The following DIP2C variants were observed in gnomAD, a reference collection of about 807,000 sequenced individuals.
DIP2C encodes the protein DIP2 acetate--CoA ligase C (putative).
DIP2C carries 33 observed loss-of-function variants against 192.4 expected under a neutral mutation model. The ratio of observed to expected loss-of-function variants is 0.17; its 90% CI spans 0.13 to 0.23. The LOEUF is 0.23. Among genes scored for constraint, DIP2C ranks in the 10% least tolerant of loss-of-function variants. The pLI is 1.00. For missense variants in DIP2C, 1,537 were observed against 2,110.1 expected (o/e 0.73, Z 5.32); for synonymous variants, 979 against 864.1 (o/e 1.13, Z -2.33).
At chr10:486,257 C>T (rs1844007560) in intron 2 of DIP2C, among the ~76,000 whole-genome samples, 1 of 152,238 alleles carries the variant, frequency 6.6e-6, no homozygotes, top group East Asian at 1.9e-4. Flanking sequence ...CTATTAGGCA[C>T]ACTTATAGAA....
chr10:372,090 T>C (rs1298755193), intron 17 of DIP2C, among the ~76,000 whole-genome samples: 1 of 136,770 alleles, frequency 7.3e-6, no homozygotes, highest in Non-Finnish European at 1.6e-5. Context: ...TTTTTTTTTT[T>C]TTTGAGACAC....
intron 1 of DIP2C, among the ~76,000 whole-genome samples, chr10:488,281 A>G (rs913324843): frequency 6.6e-6 from 1 of 152,170 alleles, no homozygotes; most frequent in Non-Finnish European, 1.5e-5. Context: ...ACTTCTGGAG[A>G]CACGCTCTGT....
chr10:362,806 T>A, intron 21 of DIP2C, 115 bp from the exon 22 acceptor site: 1 of 1,165,910 alleles, frequency 8.6e-7, no homozygotes, highest in Non-Finnish European at 1.2e-6. Context: ...ATAAGCACTG[T>A]TCCCAGCATA....
At chr10:486,619 G>A (rs1844037698) in intron 1 of DIP2C, 89 bp from the exon 2 acceptor site, 2 of 1,095,958 alleles carry the variant, frequency 1.8e-6, no homozygotes, top group South Asian at 1.9e-5. Flanking sequence ...AGTTATCACA[G>A]TATCTTCTGT....
intron 1 of DIP2C, among the ~76,000 whole-genome samples, chr10:595,613 A>T (rs1202184002): frequency 2.0e-5 from 3 of 152,150 alleles, no homozygotes; most frequent in Non-Finnish European, 4.4e-5. Flanking sequence ...CAAACTTTTA[A>T]AAAGCTCCAG....
At chr10:647,394 A>C (rs563111323) in intron 1 of DIP2C, among the ~76,000 whole-genome samples, 20 of 152,142 alleles carry the variant, frequency 1.3e-4, no homozygotes, top group Admixed American at 1.1e-3. Context: ...GTCCACGTCC[A>C]CATTGGATGG....
At position 486,487 on chromosome 10, in the gene DIP2C, T is replaced by C. The variant is rs1170853194; in HGVS notation, c.129A>G (p.Leu43=). ...GAGGCTGCGGAAGGTAGGCTCCAAT[T>C]AACTTTGACCTCTTCTTTTCATATC... ...QKGYEKKRSK[L]IGAYLPQPPR... is the part of the protein sequence containing the mutation. Residue 43 remains leucine, a synonymous_variant, in exon 2 of 37, where the codon TTA becomes TTG. Transcript: ENST00000280886. 13 of 1,605,540 alleles carry C rather than the reference T, an allele frequency of 8.1e-6. No individual in the cohort carries two copies. Among genetic ancestry groups the C allele is most frequent in the Non-Finnish European group, 1.1e-5 (13 of 1,176,182 alleles).
chr10:535,971 T>A (rs1273538526), intron 1 of DIP2C, among the ~76,000 whole-genome samples: 1 of 152,248 alleles, frequency 6.6e-6, no homozygotes, highest in African/African-American at 2.4e-5. Flanking sequence ...GAGGCACACT[T>A]CGGGTGCAAA....
intron 2 of DIP2C, among the ~76,000 whole-genome samples, chr10:480,071 T>C (rs1843481129): frequency 6.9e-6 from 1 of 144,700 alleles, no homozygotes; most frequent in Non-Finnish European, 1.5e-5. Context: ...ACTGGATGAG[T>C]GTCATCCGCC....
At chr10:401,310 G>C (rs139050230) in intron 9 of DIP2C, among the ~76,000 whole-genome samples, 105 of 150,808 alleles carry the variant, frequency 7.0e-4, no homozygotes, top group Middle Eastern at 3.5e-3. Flanking sequence ...GACAAGTTTG[G>C]TATGTGTTCA....
intron 24 of DIP2C, 147 bp from the exon 25 acceptor site, chr10:349,601 G>T: frequency 3.6e-6 from 4 of 1,097,602 alleles, no homozygotes; most frequent in Non-Finnish European, 4.9e-6. Context: ...CAACATGACA[G>T]TCAATTTTAG....
chr10:475,001 C>CT (rs1970948572), intron 2 of DIP2C, among the ~76,000 whole-genome samples: 1 of 152,198 alleles, frequency 6.6e-6, no homozygotes, highest in Non-Finnish European at 1.5e-5. Flanking sequence ...CACCAAATCT[C>CT]TCCCCAAGGA....
intron 4 of DIP2C, among the ~76,000 whole-genome samples, chr10:427,937 A>G (rs1418708964): frequency 6.6e-6 from 1 of 152,154 alleles, no homozygotes; most frequent in Non-Finnish European, 1.5e-5. Flanking sequence ...AATTATACGT[A>G]TACACAAAGA....
At chr10:366,472 A>T in intron 18 of DIP2C, 61 bp from the exon 19 acceptor site, 2 of 1,607,836 alleles carry the variant, frequency 1.2e-6, no homozygotes, top group Non-Finnish European at 1.7e-6. Flanking sequence ...GAATAAAGGA[A>T]ACAGGGAAGA....
intron 3 of DIP2C, among the ~76,000 whole-genome samples, chr10:446,417 C>CT (rs1485001873): frequency 1.3e-5 from 2 of 152,232 alleles, no homozygotes; most frequent in Non-Finnish European, 2.9e-5. Context: ...CACTGGGCAT[C>CT]TGTATACATC....
intron 18 of DIP2C, 66 bp from the exon 19 acceptor site, chr10:366,477 G>A: frequency 6.2e-7 from 1 of 1,604,686 alleles, no homozygotes; most frequent in Non-Finnish European, 8.5e-7. Context: ...AAGGAAACAG[G>A]GAAGACGCGA....
intron 1 of DIP2C, among the ~76,000 whole-genome samples, chr10:537,572 T>TC (rs1196358439): frequency 1.0e-5 from 1 of 100,030 alleles, no homozygotes; most frequent in Non-Finnish European, 2.1e-5. Context: ...CCCGTCCCCC[T>TC]CCCCCGCACA....
intron 13 of DIP2C, among the ~76,000 whole-genome samples, chr10:388,523 A>ATTTATTGTG: frequency 6.6e-6 from 1 of 152,240 alleles, no homozygotes; most frequent in African/African-American, 2.4e-5. Flanking sequence ...ATAAATGGCC[A>ATTTATTGTG]AAAGTAAACA....
chr10:354,249 G>T (rs1589584547), intron 24 of DIP2C, among the ~76,000 whole-genome samples: 2 of 152,206 alleles, frequency 1.3e-5, no homozygotes, highest in African/African-American at 4.8e-5. Context: ...ATTTGCAGTT[G>T]ATCCTAATAA....
Sources: allele counts gnomAD v4.1 joint callset (sites outside exome capture counted in the v4.1 genomes callset), GRCh38; gene constraint gnomAD v4.1.1; transcripts MANE v1.5; gene names NCBI Gene and HGNC (gene_info 2026-07-23, HGNC 2026-07-21).